SAMD12: variants seen among roughly 807,000 people sequenced by gnomAD.
SAMD12 encodes sterile alpha motif domain containing 12, also known as sterile alpha motif domain-containing protein 12.
A neutral mutation model predicts 15.0 loss-of-function variants in SAMD12; 9 were observed. The observed-to-expected ratio is 0.60, with a 90% confidence interval of 0.36 to 1.05. SAMD12 has a LOEUF of 1.05. Ranked by LOEUF, SAMD12 falls within the 50% of genes least tolerant of loss-of-function variation. SAMD12 has a pLI of 0.01. For missense variants in SAMD12, 230 were observed against 234.2 expected, an observed-to-expected ratio of 0.98 and a Z score of 0.12; for synonymous variants, 86 against 90.1, an observed-to-expected ratio of 0.96 and a Z score of 0.25.
chr8:118,590,489 T>C (rs1827561590), intron 1 of SAMD12, among the ~76,000 whole-genome samples: 2 of 152,222 alleles, frequency 1.3e-5, no homozygotes, highest in African/African-American at 4.8e-5. Context: ...CTTCCTGCGA[T>C]TGTGTCAGAG....
chr8:118,351,084 C>T (rs1817941702), intron 4 of SAMD12, among the ~76,000 whole-genome samples: 1 of 152,200 alleles, frequency 6.6e-6, no homozygotes, highest in South Asian at 2.1e-4. Context: ...TCTACTTCTT[C>T]CCTGGCCAGA....
Position 118,384,187 on chromosome 8 carries a change from G to A in SAMD12, c.323-4487C>T, listed in dbSNP as rs139974977. Among the ~76,000 whole-genome samples, 569 of 152,254 alleles carry A rather than the reference G, an allele frequency of 3.7e-3. 3 individuals carry two copies. Among genetic ancestry groups the A allele is most frequent in the Non-Finnish European group, 5.9e-3 (400 of 68,022 alleles). ...TTAGTGTCACTAGGGCAGAGCAGGT[G>A]AGATAAGAGAATGGTCAGAAATTAG... On this transcript the variant is annotated intron_variant, in intron 3 of 3. Transcript: ENST00000314727.
At position 118,439,931 on chromosome 8, in the gene SAMD12, C is replaced by T. The variant is rs375029863; in HGVS notation, c.223G>A (p.Ala75Thr). Reference sequence around the variant, plus strand: ...CAGACATCCTGCTGGGTCCATAGAGCCACCGGTTTAGATAGCTTCACCGTA... The same window carrying T: ...CAGACATCCTGCTGGGTCCATAGAGTCACCGGTTTAGATAGCTTCACCGTA... ...SATVKLSKPVALWTQQDVCKW... is the reference protein window; with the variant it reads ...SATVKLSKPVTLWTQQDVCKW... The change falls in exon 3 of 4, where the codon GCT (alanine) becomes ACT (threonine). Residue 75 changes from alanine (A) to threonine (T), a missense_variant. Ala to Thr is a moderately conservative substitution (Grantham distance 58). Transcript: ENST00000314727. 1 of 1,613,654 alleles carries T rather than the reference C, an allele frequency of 6.2e-7. No individual in the cohort carries two copies. The highest frequency in any genetic ancestry group is 8.5e-7 in the Non-Finnish European group (1 of 1,179,638).
chr8:118,219,264 G>A lies in SAMD12; in HGVS notation c.434-21532C>T, dbSNP rs556121553. ...GTTTGCCTTCTGTTCACATCTAGAC[G>A]CAAATTCCTAGAGGAGAGAGACTAT... is the stretch of plus-strand genomic sequence containing the variant. On this transcript the variant is annotated intron_variant, in intron 4 of 4. Coordinates refer to the SAMD12 transcript ENST00000409003. Among the ~76,000 whole-genome samples the A allele has an allele frequency of 5.9e-5, 9 of 152,278 alleles. No homozygotes were observed. In the South Asian group the frequency reaches 6.2e-4, roughly 11 times the overall value.
intron 4 of SAMD12, among the ~76,000 whole-genome samples, chr8:118,237,423 A>T (rs1421508654): frequency 6.6e-6 from 1 of 152,118 alleles, no homozygotes; most frequent in Admixed American, 6.6e-5. Context: ...CCATGGGAGG[A>T]GATTCGAAGG....
intron 3 of SAMD12, among the ~76,000 whole-genome samples, chr8:118,411,015 A>C (rs1420122883): frequency 1.3e-5 from 2 of 152,208 alleles, no homozygotes; most frequent in Admixed American, 1.3e-4. Context: ...TCAGTAAGTA[A>C]GAAAAGTATT....
rs144873651 is a variant in SAMD12 at position 118,287,929 on chromosome 8, A to G, written c.434-90197T>C. 8.1e-3 allele frequency among the ~76,000 whole-genome samples: 1,229 copies of G among 152,306 alleles called. 16 individuals carry two copies. Among genetic ancestry groups the G allele is most frequent in the African/African-American group, 0.025 (1,054 of 41,566 alleles). ...TAACCTGATGGCTGCCCCTAAGGAT[A>G]GGAAAATGACATGGAAAGCTTCTGC... On this transcript the variant is annotated intron_variant, in intron 4 of 4. Coordinates refer to the SAMD12 transcript ENST00000409003.
chr8:118,468,609 C>G (rs1285745174), intron 2 of SAMD12, among the ~76,000 whole-genome samples: 1 of 152,018 alleles, frequency 6.6e-6, no homozygotes, highest in Non-Finnish European at 1.5e-5. Flanking sequence ...CTCCTTGACT[C>G]AAGCACCTGG....
chr8:118,193,561 A>C (rs1819467753), exon 5 of SAMD12: 1 of 152,198 alleles, frequency 6.6e-6, no homozygotes, highest in African/African-American at 2.4e-5. Context: ...TCAGGGCTGC[A>C]CTGGGATTAA....
At position 118,206,236 on chromosome 8, in the gene SAMD12, C is replaced by T. The variant is rs6996163; in HGVS notation, c.434-8504G>A. ...ATAGCCTTGAGAATTCACACAAAAG[C>T]AGCTTGGCAAAATCCATGAACACAC... On this transcript the variant is annotated intron_variant, in intron 4 of 4. Coordinates refer to the SAMD12 transcript ENST00000409003. 7.8e-3 allele frequency among the ~76,000 whole-genome samples: 1,181 copies of T among 152,286 alleles called. 16 individuals are homozygous for T. The highest frequency in any genetic ancestry group is 0.027 in the African/African-American group (1,117 of 41,566).
At position 118,247,213 on chromosome 8, in the gene SAMD12, C is replaced by T. The variant is rs28370854; in HGVS notation, c.434-49481G>A. Among the ~76,000 whole-genome samples, 232 of 152,066 alleles carry T rather than the reference C, an allele frequency of 1.5e-3. 1 individual carries two copies. The highest frequency in any genetic ancestry group is 5.4e-3 in the African/African-American group (225 of 41,474). On this transcript the variant is annotated intron_variant, in intron 4 of 4. Transcript: ENST00000409003. ...ATGTGAAATCTAAAAAAGTTGAACT[C>T]ATAGAAGCAGAGAATAGAATGATGG...
intron 4 of SAMD12, among the ~76,000 whole-genome samples, chr8:118,266,922 T>C (rs1813216307): frequency 6.6e-6 from 1 of 152,230 alleles, no homozygotes; most frequent in East Asian, 1.9e-4. Flanking sequence ...TTGTACAACA[T>C]GGTAACTACA....
intron 2 of SAMD12, among the ~76,000 whole-genome samples, chr8:118,451,136 G>A (rs1030579482): frequency 5.9e-5 from 9 of 152,132 alleles, no homozygotes; most frequent in African/African-American, 1.4e-4. Context: ...AGGTCACACC[G>A]CTAGTGAATT....
At chr8:118,337,087 C>A (rs1315091787) in intron 4 of SAMD12, among the ~76,000 whole-genome samples, 1 of 151,448 alleles carries the variant, frequency 6.6e-6, no homozygotes, top group Non-Finnish European at 1.5e-5. Context: ...GTGCAGCACA[C>A]CAACATGGCA....
chr8:118,465,923 C>T (rs1189058585), intron 2 of SAMD12, among the ~76,000 whole-genome samples: 2 of 152,062 alleles, frequency 1.3e-5, no homozygotes, highest in East Asian at 3.9e-4. Context: ...AGTTGGTCAT[C>T]CTAGGTATAG....
At chr8:118,558,880 A>G (rs1220528618) in intron 2 of SAMD12, among the ~76,000 whole-genome samples, 3 of 152,180 alleles carry the variant, frequency 2.0e-5, no homozygotes, top group Non-Finnish European at 4.4e-5. Context: ...GACTTCATGA[A>G]GAAGTGGATC....
chr8:118,187,869 G>GA (rs1819270497), downstream of SAMD12, among the ~76,000 whole-genome samples: 1 of 152,142 alleles, frequency 6.6e-6, no homozygotes, highest in African/African-American at 2.4e-5. Flanking sequence ...ATATAAGCCA[G>GA]AAAAAACATG....
the SAMD12 span, among the ~76,000 whole-genome samples, chr8:118,153,805 G>T: frequency 2.0e-5 from 3 of 151,954 alleles, no homozygotes; most frequent in African/African-American, 7.3e-5. Context: ...CTACCTTCTT[G>T]TTTCTTACAA....
intron 4 of SAMD12, among the ~76,000 whole-genome samples, chr8:118,325,556 C>T (rs1322405198): frequency 6.6e-6 from 1 of 152,186 alleles, no homozygotes; most frequent in African/African-American, 2.4e-5. Flanking sequence ...TCTATCAACT[C>T]ACACAGTTAT....
Sources: allele counts gnomAD v4.1 joint callset (sites outside exome capture counted in the v4.1 genomes callset), GRCh38; gene constraint gnomAD v4.1.1; transcripts MANE v1.5; gene names NCBI Gene and HGNC (gene_info 2026-07-23, HGNC 2026-07-21).